Variants in DLGAP2 observed in about 807,000 individuals in gnomAD.
DLGAP2 encodes the protein disks large-associated protein 2.
DLGAP2 carries 26 observed loss-of-function variants against 100.3 expected under a neutral mutation model. That is an observed-to-expected ratio of 0.26 (90% CI 0.19 to 0.36). The LOEUF (loss-of-function observed/expected upper bound fraction) is 0.36, where lower values mean the gene tolerates loss of function less well. Among genes scored for constraint, DLGAP2 ranks in the 10% least tolerant of loss-of-function variants. DLGAP2 has a pLI of 1.00. For synonymous variants in DLGAP2, 886 were observed against 630.1 expected (o/e 1.41, Z -6.08); for missense variants, 1,858 against 1,453.2 (o/e 1.28, Z -4.53).
At chr8:1,359,349 G>A (rs759040274) in intron 3 of DLGAP2, among the ~76,000 whole-genome samples, 4 of 152,244 alleles carry the variant, frequency 2.6e-5, no homozygotes, top group Non-Finnish European at 5.9e-5. Context: ...GCACTCCGGC[G>A]CAGTTTAGGA....
At chr8:1,419,719 C>G (rs1276027374) in intron 3 of DLGAP2, among the ~76,000 whole-genome samples, 1 of 152,140 alleles carries the variant, frequency 6.6e-6, no homozygotes, top group African/African-American at 2.4e-5. Context: ...AGTAACAGTT[C>G]TAGCAAGGAT....
rs145817703 is a variant in DLGAP2, at chr8:1,506,567, G to C, written c.172+5136G>C. Among the ~76,000 whole-genome samples the C allele has an allele frequency of 1.9e-3, 292 of 152,266 alleles. 1 individual carries two copies. Among genetic ancestry groups the C allele is most frequent in the African/African-American group, 6.8e-3 (283 of 41,552 alleles). On this transcript the variant is annotated intron_variant, in intron 4 of 14. Transcript: ENST00000637795. ...AACAGCAAGATTTAGTGCATACAGCGTAAAAATTAAGCATCCACACTGCCC... is the reference window on the plus strand; with the variant it reads ...AACAGCAAGATTTAGTGCATACAGCCTAAAAATTAAGCATCCACACTGCCC...
At chr8:1,191,343 T>C (rs1041251026) in intron 2 of DLGAP2, among the ~76,000 whole-genome samples, 17 of 152,028 alleles carry the variant, frequency 1.1e-4, no homozygotes, top group African/African-American at 3.6e-4. Context: ...GCTAATTTTT[T>C]GTATTTTTGG....
intron 1 of DLGAP2, among the ~76,000 whole-genome samples, chr8:801,718 C>G (rs756977051): frequency 1.3e-5 from 2 of 152,134 alleles, no homozygotes; most frequent in Non-Finnish European, 2.9e-5. Context: ...TTCCCACTCT[C>G]CAGCAATGTG....
chr8:1,003,306 T>G (rs888232753), intron 2 of DLGAP2: 1 of 152,236 alleles, frequency 6.6e-6, no homozygotes, highest in Non-Finnish European at 1.5e-5. Context: ...CACTATCAGG[T>G]GGGCATCTGT....
chr8:1,641,871 C>G (rs980157731), intron 8 of DLGAP2, among the ~76,000 whole-genome samples: 2 of 151,540 alleles, frequency 1.3e-5, no homozygotes, highest in Admixed American at 6.6e-5. Flanking sequence ...TCCCATACCC[C>G]TCGAACCCGC....
intron 3 of DLGAP2, among the ~76,000 whole-genome samples, chr8:1,470,384 G>A (rs1031894549): frequency 3.3e-5 from 5 of 152,138 alleles, no homozygotes; most frequent in African/African-American, 9.7e-5. Context: ...CCACCACAGT[G>A]GGAGCTGGAT....
chr8:1,630,114 A>C (rs551206729), intron 7 of DLGAP2, among the ~76,000 whole-genome samples: 1 of 152,288 alleles, frequency 6.6e-6, no homozygotes, highest in East Asian at 1.9e-4. Context: ...CATTACTTTA[A>C]ATTGAACTCA....
intron 2 of DLGAP2, among the ~76,000 whole-genome samples, chr8:1,157,591 G>A (rs1371021660): frequency 6.6e-6 from 1 of 152,164 alleles, no homozygotes; most frequent in Non-Finnish European, 1.5e-5. Flanking sequence ...ACCAGCCAAC[G>A]GTGGCGCTGT....
At chr8:1,104,018 A>C (rs188625274) in intron 2 of DLGAP2, among the ~76,000 whole-genome samples, 1 of 152,300 alleles carries the variant, frequency 6.6e-6, no homozygotes, top group African/African-American at 2.4e-5. Flanking sequence ...CAAGAACACA[A>C]AGCGCTTGCT....
chr8:1,377,077 C>T (rs896044004), intron 3 of DLGAP2, among the ~76,000 whole-genome samples: 2 of 152,234 alleles, frequency 1.3e-5, no homozygotes, highest in African/African-American at 2.4e-5. Context: ...AGTGAGATGC[C>T]TGCCACTTCT....
chr8:1,339,294 T>C (rs562874190), intron 3 of DLGAP2, among the ~76,000 whole-genome samples: 5 of 146,250 alleles, frequency 3.4e-5, no homozygotes, highest in South Asian at 2.2e-4. Context: ...GTGACCTCAG[T>C]GAGGCATCAG....
chr8:1,164,202 C>T (rs1485528909), intron 2 of DLGAP2, among the ~76,000 whole-genome samples: 97 of 2,492 alleles, frequency 0.039, no homozygotes, highest in Non-Finnish European at 0.095. Flanking sequence ...TTTCTGTGAG[C>T]CCCCAGGGCC....
At chr8:988,649 G>A (rs1800556456) in intron 2 of DLGAP2, among the ~76,000 whole-genome samples, 1 of 152,032 alleles carries the variant, frequency 6.6e-6, no homozygotes, top group African/African-American at 2.4e-5. Flanking sequence ...CTGGGCTCCT[G>A]CCTCCTGGCC....
intron 3 of DLGAP2, among the ~76,000 whole-genome samples, chr8:1,361,270 C>T (rs965531338): frequency 6.6e-6 from 1 of 152,216 alleles, no homozygotes; most frequent in Non-Finnish European, 1.5e-5. Flanking sequence ...CCTGCTTCTC[C>T]AGTCGACATT....
At chr8:1,229,470 G>A (rs1017096386) in intron 2 of DLGAP2, among the ~76,000 whole-genome samples, 3 of 152,008 alleles carry the variant, frequency 2.0e-5, no homozygotes, top group Non-Finnish European at 4.4e-5. Flanking sequence ...GTATTTCCAG[G>A]GATTTATCTA....
intron 10 of DLGAP2, among the ~76,000 whole-genome samples, chr8:1,675,865 C>T (rs7017157): frequency 0.11 from 17,020 of 150,642 alleles, 1,096 homozygotes; most frequent in South Asian, 0.25. Context: ...TACTAGAATT[C>T]CCTTGTGGGA....
intron 2 of DLGAP2, among the ~76,000 whole-genome samples, chr8:1,044,810 CCT>C (rs1383400947): frequency 6.6e-6 from 1 of 152,190 alleles, no homozygotes; most frequent in Non-Finnish European, 1.5e-5. Flanking sequence ...CCTCGGGTCA[CCT>C]CTCGACCTGC....
At chr8:1,232,156 G>T (rs1462139615) in intron 2 of DLGAP2, among the ~76,000 whole-genome samples, 1 of 152,208 alleles carries the variant, frequency 6.6e-6, no homozygotes, top group Non-Finnish European at 1.5e-5. Context: ...CTTCACGACT[G>T]GGTGGTGCTG....
Sources: allele counts gnomAD v4.1 joint callset (sites outside exome capture counted in the v4.1 genomes callset), GRCh38; gene constraint gnomAD v4.1.1; transcripts MANE v1.5; gene names NCBI Gene and HGNC (gene_info 2026-07-23, HGNC 2026-07-21).